The following SAMD8 variants were observed in gnomAD, a reference collection of about 807,000 sequenced individuals.
SAMD8 encodes the protein sterile alpha motif domain containing 8.
SAMD8 carries 20 observed loss-of-function variants against 42.0 expected under a neutral mutation model. The ratio of observed to expected loss-of-function variants is 0.48; its 90% CI spans 0.34 to 0.69. The LOEUF is 0.69. Ranked by LOEUF, SAMD8 falls within the 30% of genes least tolerant of loss-of-function variation. The probability of loss-of-function intolerance (pLI) is 0.01; values close to 1 mark genes in which losing one functional copy is unlikely to be tolerated. For synonymous variants in SAMD8, 162 were observed against 173.0 expected, an observed-to-expected ratio of 0.94 and a Z score of 0.50; for missense variants, 328 against 511.6, an observed-to-expected ratio of 0.64 and a Z score of 3.46.
intron 3 of SAMD8, among the ~76,000 whole-genome samples, chr10:75,165,977 C>CA (rs56839743): frequency 0.16 from 9,724 of 61,708 alleles, 653 homozygotes; most frequent in African/African-American, 0.25. Flanking sequence ...ACCCTGTCTC[C>CA]AAAAAAAAAA....
chr10:75,164,100 C>T (rs1185034765), intron 2 of SAMD8, among the ~76,000 whole-genome samples: 1 of 152,080 alleles, frequency 6.6e-6, no homozygotes, highest in Admixed American at 6.6e-5. Flanking sequence ...CCTTGTAGTC[C>T]CGGCCACTTA....
chr10:75,137,822 T>C (rs1407804493), intron 1 of SAMD8, among the ~76,000 whole-genome samples: 1 of 152,164 alleles, frequency 6.6e-6, no homozygotes, highest in Non-Finnish European at 1.5e-5. Context: ...ACATTGTGAA[T>C]GTATTTAAGG....
At chr10:75,136,575 T>C (rs1839890672) in intron 1 of SAMD8, among the ~76,000 whole-genome samples, 1 of 152,188 alleles carries the variant, frequency 6.6e-6, no homozygotes, top group African/African-American at 2.4e-5. Context: ...AGGGTTCACT[T>C]GCAAGAGAGA....
chr10:75,142,667 C>T (rs1266128949), intron 1 of SAMD8, among the ~76,000 whole-genome samples: 2 of 151,606 alleles, frequency 1.3e-5, no homozygotes, highest in African/African-American at 4.8e-5. Flanking sequence ...GATCTCTTGA[C>T]CATGTGATCC....
intron 4 of SAMD8, among the ~76,000 whole-genome samples, chr10:75,174,720 A>G (rs1300566679): frequency 6.6e-6 from 1 of 151,138 alleles, no homozygotes; most frequent in Non-Finnish European, 1.5e-5. Context: ...GGCGTGAGCC[A>G]CCGCACCCTG....
At position 75,111,695 on chromosome 10, in the gene SAMD8, T is replaced by C. The variant is rs998309691; in HGVS notation, c.-43T>C. 1.1e-5 allele frequency: 13 copies of C among 1,235,216 alleles called. No homozygotes were observed. Among genetic ancestry groups the C allele is most frequent in the Non-Finnish European group, 1.3e-5 (13 of 989,878 alleles). The allele number at this position is 1,235,216 out of a possible 1,614,324, so 76.5% of individuals were successfully genotyped here. On this transcript the variant is annotated 5_prime_UTR_variant, in exon 1 of 6. Transcript: ENST00000542569. Reference sequence around the variant, plus strand: ...GCTCGGACGCCGACTCGGAGGTGGGTCCGGGGAGCCCGACTCGGACCGCGG... The same window carrying C: ...GCTCGGACGCCGACTCGGAGGTGGGCCCGGGGAGCCCGACTCGGACCGCGG...
chr10:75,146,438 C>T (rs1031771315), intron 1 of SAMD8, among the ~76,000 whole-genome samples: 3 of 152,022 alleles, frequency 2.0e-5, no homozygotes, highest in African/African-American at 7.2e-5. Flanking sequence ...GCATCTGCCA[C>T]CACACCTGGC....
intron 1 of SAMD8, among the ~76,000 whole-genome samples, chr10:75,139,568 A>G (rs886304206): frequency 2.6e-5 from 4 of 152,332 alleles, no homozygotes; most frequent in Non-Finnish European, 5.9e-5. Flanking sequence ...GCAAAATGAT[A>G]CAGAATTATG....
intron 2 of SAMD8, among the ~76,000 whole-genome samples, chr10:75,155,248 A>G (rs945116752): frequency 3.3e-5 from 5 of 152,150 alleles, no homozygotes; most frequent in Non-Finnish European, 5.9e-5. Context: ...ATTTACAGAG[A>G]TGGGAAAACT....
At chr10:75,148,400 C>T (rs2134476356) in intron 1 of SAMD8, among the ~76,000 whole-genome samples, 1 of 130,470 alleles carries the variant, frequency 7.7e-6, no homozygotes. Flanking sequence ...GTCGCCCAGG[C>T]TGGTGTGCAA....
At chr10:75,155,549 T>C (rs1840392711) in intron 2 of SAMD8, among the ~76,000 whole-genome samples, 1 of 152,108 alleles carries the variant, frequency 6.6e-6, no homozygotes, top group African/African-American at 2.4e-5. Context: ...TAATTGACCA[T>C]TGGCTTTAGC....
chr10:75,150,486 GT>G (rs781662760), intron 1 of SAMD8, 27 bp from the exon 2 acceptor site: 1 of 1,563,366 alleles, frequency 6.4e-7, no homozygotes, highest in Non-Finnish European at 8.6e-7. Context: ...TGAAGCTTTT[GT>G]TTTGTTTTCC....
At chr10:75,158,091 G>A (rs1003557096) in intron 2 of SAMD8, among the ~76,000 whole-genome samples, 14 of 151,542 alleles carry the variant, frequency 9.2e-5, no homozygotes, top group African/African-American at 2.9e-4. Flanking sequence ...CCTGAGAGGC[G>A]GAAGTTGTGG....
At chr10:75,105,985 C>T in intron 1 of SAMD8, 1 of 920,564 alleles carries the variant, frequency 1.1e-6, no homozygotes, top group Non-Finnish European at 1.7e-6. Context: ...TGATCCTGAG[C>T]AAGTCACTCA....
At chr10:75,104,991 C>T (rs1481595587) in intron 1 of SAMD8, among the ~76,000 whole-genome samples, 1 of 152,084 alleles carries the variant, frequency 6.6e-6, no homozygotes, top group African/African-American at 2.4e-5. Context: ...AGTCACCCAC[C>T]CCCAAATGGC....
chr10:75,154,975 C>T (rs534196938), intron 2 of SAMD8, among the ~76,000 whole-genome samples: 32 of 152,172 alleles, frequency 2.1e-4, no homozygotes, highest in African/African-American at 7.5e-4. Context: ...TCACTGTAAC[C>T]TCAAATTCCT....
Position 75,176,530 on chromosome 10 carries a change from C to T in SAMD8, c.1086C>T (p.Tyr362=), listed in dbSNP as rs1840993894. Residue 362 remains tyrosine (Y), a synonymous_variant, in exon 6 of 6, where the codon TAC becomes TAT. Coordinates refer to ENST00000542569, the MANE Select transcript of SAMD8 (RefSeq NM_001174156.2). This position sits in a 1 kb window ranked among gnomAD's most constrained non-coding sequence, Gnocchi z 4.3. ...AFYITTRLFL[Y]YHTLANTRAY... ...ATATAACAACAAGACTCTTTTTGTA[C>T]TACCATACTCTGGCCAATACCAGAG... 6.4e-7 allele frequency: 1 copy of T among 1,550,394 alleles called. No individual in the cohort carries two copies. The highest frequency in any genetic ancestry group is 8.7e-7 in the Non-Finnish European group (1 of 1,146,910).
At chr10:75,143,208 G>A (rs1840061902) in intron 1 of SAMD8, among the ~76,000 whole-genome samples, 1 of 152,230 alleles carries the variant, frequency 6.6e-6, no homozygotes, top group Admixed American at 6.5e-5. Flanking sequence ...TGGGGAGGCT[G>A]AGGCAGGAGA....
intron 1 of SAMD8, among the ~76,000 whole-genome samples, chr10:75,133,584 A>G (rs528918575): frequency 1.3e-5 from 2 of 152,344 alleles, no homozygotes; most frequent in Admixed American, 1.3e-4. Flanking sequence ...AATAGAGAAA[A>G]TGTGTGTATG....
Sources: gnomAD v4.1 joint callset for allele counts (sites outside exome capture counted in the v4.1 genomes callset) on GRCh38, gnomAD v4.1.1 for gene constraint, Gnocchi (gnomAD v3.1) non-coding constraint, MANE v1.5 for transcripts, NCBI Gene and HGNC (gene_info 2026-07-23, HGNC 2026-07-21) for gene names.